The following GCNT1 variants were observed in gnomAD, a reference collection of about 807,000 sequenced individuals.
GCNT1 encodes the protein glucosaminyl (N-acetyl) transferase 1.
In GCNT1, 16 loss-of-function variants were observed where a neutral mutation model predicts 26.2. That is an observed-to-expected ratio of 0.61 (90% CI 0.41 to 0.93). The LOEUF is 0.93. Among genes scored for constraint, GCNT1 ranks in the 40% least tolerant of loss-of-function variants. GCNT1 has a pLI of 0.00. For synonymous variants in GCNT1, 183 were observed against 190.8 expected (o/e 0.96, Z 0.34); for missense variants, 477 against 526.7 (o/e 0.91, Z 0.92).
intron 1 of GCNT1, among the ~76,000 whole-genome samples, chr9:76,421,938 A>G (rs1373527342): frequency 6.6e-6 from 1 of 152,026 alleles, no homozygotes; most frequent in African/African-American, 2.4e-5. Context: ...AATATCCAGG[A>G]CTGGGTAATT....
intron 2 of GCNT1, among the ~76,000 whole-genome samples, chr9:76,478,684 A>C (rs1480813671): frequency 6.6e-6 from 1 of 152,158 alleles, no homozygotes; most frequent in East Asian, 1.9e-4. Context: ...TTAAGACCAA[A>C]TACTGATCCG....
At chr9:76,409,232 T>G in the GCNT1 span, among the ~76,000 whole-genome samples, 7 of 152,190 alleles carry the variant, frequency 4.6e-5, no homozygotes, top group East Asian at 1.9e-4. Flanking sequence ...TTTGTAGACA[T>G]AGAGAGTTTC....
intron 1 of GCNT1, among the ~76,000 whole-genome samples, chr9:76,435,216 T>G (rs1478492383): frequency 6.6e-6 from 1 of 152,120 alleles, no homozygotes; most frequent in Non-Finnish European, 1.5e-5. Context: ...CTAATGAAAA[T>G]TTGCTGGTTT....
intron 1 of GCNT1, among the ~76,000 whole-genome samples, chr9:76,420,389 T>C (rs1311528871): frequency 6.6e-6 from 1 of 152,112 alleles, no homozygotes; most frequent in Non-Finnish European, 1.5e-5. Context: ...TCCTCCTCCC[T>C]TAGCCTCCCG....
At chr9:76,409,301 T>C in the GCNT1 span, among the ~76,000 whole-genome samples, 1 of 152,216 alleles carries the variant, frequency 6.6e-6, no homozygotes, top group African/African-American at 2.4e-5. Context: ...CCCTCTCTTA[T>C]TTCTGATGTT....
intron 1 of GCNT1, among the ~76,000 whole-genome samples, chr9:76,435,457 C>T (rs980607714): frequency 1.3e-5 from 2 of 152,174 alleles, no homozygotes; most frequent in South Asian, 4.1e-4. Context: ...CAAGTTACCA[C>T]AGACTCTGTG....
chr9:76,435,027 C>T (rs1350363288), intron 1 of GCNT1, among the ~76,000 whole-genome samples: 2 of 152,214 alleles, frequency 1.3e-5, no homozygotes, highest in African/African-American at 2.4e-5. Context: ...AATACGTGCA[C>T]AGCTGAACAT....
At chr9:76,493,018 C>T (rs540069036) in intron 2 of GCNT1, among the ~76,000 whole-genome samples, 34 of 152,290 alleles carry the variant, frequency 2.2e-4, no homozygotes, top group South Asian at 8.3e-4. Flanking sequence ...GATCAATTGA[C>T]CCTCGAGGGA....
chr9:76,404,408 T>C, the GCNT1 span, among the ~76,000 whole-genome samples: 2 of 152,048 alleles, frequency 1.3e-5, no homozygotes, highest in African/African-American at 4.8e-5. Flanking sequence ...AGTGGGGTGG[T>C]GGTATAGATT....
upstream of GCNT1, among the ~76,000 whole-genome samples, chr9:76,418,956 A>G (rs1823155169): frequency 6.6e-6 from 1 of 152,164 alleles, no homozygotes; most frequent in Non-Finnish European, 1.5e-5. Flanking sequence ...GTGATAAAGG[A>G]ATATCAGAGA....
At chr9:76,470,889 A>T (rs1490474138) in intron 2 of GCNT1, among the ~76,000 whole-genome samples, 1 of 152,168 alleles carries the variant, frequency 6.6e-6, no homozygotes, top group Non-Finnish European at 1.5e-5. Context: ...GGATCCAGGA[A>T]TGGGCTTAGG....
chr9:76,406,898 G>A, the GCNT1 span, among the ~76,000 whole-genome samples: 6 of 151,900 alleles, frequency 3.9e-5, no homozygotes, highest in East Asian at 1.9e-4. Flanking sequence ...ATAATTAGCC[G>A]GGCATGGTGG....
At chr9:76,403,138 G>T in the GCNT1 span, among the ~76,000 whole-genome samples, 1 of 152,110 alleles carries the variant, frequency 6.6e-6, no homozygotes, top group Admixed American at 6.5e-5. Context: ...CTAATGTCAG[G>T]TCAGGCCTGA....
At chr9:76,398,700 T>C in the GCNT1 span, 1 of 1,262,826 alleles carries the variant, frequency 7.9e-7, no homozygotes, top group African/African-American at 1.5e-5. Context: ...ACTTTCACAA[T>C]GTCCGGAGCC....
At chr9:76,424,966 C>T (rs1225933971) in intron 1 of GCNT1, among the ~76,000 whole-genome samples, 2 of 151,844 alleles carry the variant, frequency 1.3e-5, no homozygotes, top group Admixed American at 6.6e-5. Flanking sequence ...AGTGAAACCC[C>T]GTTTCTACTA....
At chr9:76,410,098 T>C in the GCNT1 span, among the ~76,000 whole-genome samples, 145 of 152,274 alleles carry the variant, frequency 9.5e-4, no homozygotes, top group African/African-American at 3.4e-3. Flanking sequence ...CTAGTTTAAT[T>C]CCACTGTGAC....
rs773685642 is a variant in GCNT1, at chr9:76,502,746, C to T, written c.365C>T (p.Pro122Leu). ...EPLSKEEAEF[P>L]IAYSIVVHHK... ...CTTAGTAAAGAAGAGGCGGAGTTTC[C>T]AATAGCATATTCTATAGTGGTTCAT... Residue 122 changes from proline (P) to leucine (L), a missense_variant, in exon 4 of 4, where the codon CCA becomes CTA. Physicochemically the swap from Pro to Leu is moderately conservative, Grantham distance 98. Coordinates refer to ENST00000376730, the MANE Select transcript of GCNT1 (RefSeq NM_001490.5). 3.7e-6 allele frequency: 6 copies of T among 1,614,084 alleles called. No homozygotes were observed. The highest frequency in any genetic ancestry group is 5.1e-6 in the Non-Finnish European group (6 of 1,180,002).
chr9:76,471,390 C>A (rs778092708), intron 2 of GCNT1, among the ~76,000 whole-genome samples: 4 of 152,164 alleles, frequency 2.6e-5, no homozygotes, highest in Admixed American at 6.6e-5. Context: ...CACCCCTATA[C>A]TGAAGACCTA....
At chr9:76,491,829 A>G (rs636654) in intron 2 of GCNT1, among the ~76,000 whole-genome samples, 32,346 of 152,022 alleles carry the variant, frequency 0.21, 3,719 homozygotes, top group Middle Eastern at 0.32. Context: ...TGCATATTTG[A>G]AGCACCGGTC....
Sources: allele counts gnomAD v4.1 joint callset (sites outside exome capture counted in the v4.1 genomes callset), GRCh38; gene constraint gnomAD v4.1.1; transcripts MANE v1.5; gene names NCBI Gene and HGNC (gene_info 2026-07-23, HGNC 2026-07-21).